Variants in TMEM165 observed in about 807,000 individuals in gnomAD.
TMEM165 encodes transmembrane protein 165.
Under a neutral mutation model 30.0 loss-of-function variants are expected in TMEM165, and 19 were observed. The observed-to-expected ratio is 0.63, with a 90% CI of 0.44 to 0.93. TMEM165 has a LOEUF of 0.93. Ranked by LOEUF, TMEM165 falls within the 40% of genes least tolerant of loss-of-function variation. The pLI, the probability that TMEM165 is intolerant of heterozygous loss-of-function variation, is 0.00. For synonymous variants in TMEM165, 168 were observed against 162.9 expected (o/e 1.03, Z -0.24); for missense variants, 340 against 417.0 (o/e 0.82, Z 1.61).
intron 3 of TMEM165, among the ~76,000 whole-genome samples, chr4:55,440,966 AAAAAC>A (rs751491580): frequency 5.3e-5 from 8 of 151,806 alleles, no homozygotes; most frequent in Admixed American, 6.6e-5. Context: ...AACTGCTTAC[AAAAAC>A]AAAACAAAAC....
chr4:55,440,154 T>C (rs1240514861), intron 3 of TMEM165, among the ~76,000 whole-genome samples: 5 of 152,218 alleles, frequency 3.3e-5, no homozygotes, highest in African/African-American at 1.2e-4. Context: ...TATTATAATG[T>C]ATTTTTTAAA....
At chr4:55,448,952 G>T (rs778299046) in intron 3 of TMEM165, 2 of 1,065,796 alleles carry the variant, frequency 1.9e-6, no homozygotes, top group African/African-American at 1.6e-5. Flanking sequence ...TATGATATTC[G>T]TATTAATAAA....
At chr4:55,453,331 T>C in exon 4 of TMEM165, 1 of 555,850 alleles carries the variant, frequency 1.8e-6, no homozygotes, top group African/African-American at 1.9e-5. Context: ...TACACTGCTG[T>C]AAACGATCCA....
chr4:55,412,673 T>C (rs1721559265), intron 2 of TMEM165: 1 of 152,226 alleles, frequency 6.6e-6, no homozygotes. Context: ...AACTAATCGA[T>C]GACAAACCAG....
intron 4 of TMEM165, among the ~76,000 whole-genome samples, chr4:55,420,106 A>AAAAAAAAATATATAT (rs1474254120): frequency 1.3e-4 from 6 of 45,442 alleles, no homozygotes; most frequent in East Asian, 4.0e-3. Flanking sequence ...AAGAAAAAAA[A>AAAAAAAAATATATAT]ATATATATAT....
chr4:55,405,372 G>A (rs910706344), intron 1 of TMEM165, among the ~76,000 whole-genome samples: 2 of 152,128 alleles, frequency 1.3e-5, no homozygotes, highest in African/African-American at 4.8e-5. Flanking sequence ...AGCCTATTGA[G>A]GACACGAAGG....
At chr4:55,404,975 G>C (rs1320667420) in intron 1 of TMEM165, among the ~76,000 whole-genome samples, 1 of 152,066 alleles carries the variant, frequency 6.6e-6, no homozygotes, top group African/African-American at 2.4e-5. Context: ...CTAGTTAGTA[G>C]CGCACCCCAA....
At chr4:55,416,855 G>T in intron 2 of TMEM165, 2 of 397,964 alleles carry the variant, frequency 5.0e-6, no homozygotes, top group Non-Finnish European at 8.9e-6. Flanking sequence ...TGGACCATTG[G>T]CTTCTGAGTA....
chr4:55,450,387 T>C (rs1168816133), intron 3 of TMEM165, among the ~76,000 whole-genome samples: 1 of 152,256 alleles, frequency 6.6e-6, no homozygotes. Context: ...TGAAAATTTA[T>C]GTGTTATAGC....
At chr4:55,398,284 TG>T (rs760858129) in intron 1 of TMEM165, among the ~76,000 whole-genome samples, 4 of 152,206 alleles carry the variant, frequency 2.6e-5, no homozygotes, top group Non-Finnish European at 5.9e-5. Context: ...GATTCTGATA[TG>T]GGAGGGAATC....
At position 55,448,767 on chromosome 4, in the gene TMEM165, A is replaced by G. The variant is rs754407050; in HGVS notation, c.409-3472A>G. On this transcript the variant is annotated intron_variant, in intron 3 of 3. Coordinates refer to the TMEM165 transcript ENST00000608091. ...ATTCAAATACGCAACTGAAACAAAA[A>G]CCAAAAAGTACCTGGGACATGCCTT... is the stretch of plus-strand genomic sequence containing the variant. 1.9e-6 allele frequency: 3 copies of G among 1,610,800 alleles called. No individual in the cohort carries two copies. The East Asian group carries it at 6.7e-5, about 36-fold the overall frequency.
intron 3 of TMEM165, chr4:55,442,764 G>A: frequency 2.4e-6 from 2 of 823,596 alleles, no homozygotes; most frequent in Non-Finnish European, 4.0e-6. Context: ...ATTACTCTGG[G>A]GGAAATATAA....
In TMEM165 at chr4:55,410,660, A is replaced by G. The variant is rs529951117; in HGVS notation, c.208-954A>G. On this transcript the variant is annotated intron_variant, in intron 1 of 5. Coordinates refer to ENST00000381334, the MANE Select transcript of TMEM165 (RefSeq NM_018475.5). Reference sequence around the variant, plus strand: ...TTGTCTTAGCTGGAACCAACTCTCTATACCCTGCTGAGGTTTGTGGGTCTT... The same window carrying G: ...TTGTCTTAGCTGGAACCAACTCTCTGTACCCTGCTGAGGTTTGTGGGTCTT... Among the ~76,000 whole-genome samples, 6 of 152,262 alleles carry G rather than the reference A, an allele frequency of 3.9e-5. No individual in the cohort carries two copies. In the East Asian group the frequency reaches 1.2e-3, roughly 29 times the overall value.
chr4:55,438,411 T>C, intron 3 of TMEM165: 1 of 1,613,888 alleles, frequency 6.2e-7, no homozygotes, highest in Non-Finnish European at 8.5e-7. Context: ...ACTGTTGCTG[T>C]TGTGTAGCAA....
chr4:55,439,616 C>G (rs1461833836), intron 3 of TMEM165, among the ~76,000 whole-genome samples: 1 of 152,176 alleles, frequency 6.6e-6, no homozygotes, highest in Admixed American at 6.5e-5. Flanking sequence ...TAACCCAAGA[C>G]TCCATTGACA....
chr4:55,444,874 A>G (rs1189171705), intron 3 of TMEM165: 6 of 1,326,294 alleles, frequency 4.5e-6, no homozygotes, highest in Non-Finnish European at 6.3e-6. Flanking sequence ...GCAGTATAAC[A>G]TGAGTGAAGG....
chr4:55,408,597 T>C (rs491381), intron 1 of TMEM165, among the ~76,000 whole-genome samples: 9 of 152,064 alleles, frequency 5.9e-5, no homozygotes, highest in African/African-American at 1.9e-4. Flanking sequence ...ATTGATCAAA[T>C]TGTCATCATG....
intron 3 of TMEM165, chr4:55,449,501 A>C: frequency 6.2e-7 from 1 of 1,610,654 alleles, no homozygotes; most frequent in Non-Finnish European, 8.5e-7. Context: ...GTGTTGCTGA[A>C]GTCAACAAAA....
At chr4:55,452,852 C>T (rs1251953326) in exon 4 of TMEM165, 4 of 469,710 alleles carry the variant, frequency 8.5e-6, no homozygotes, top group African/African-American at 7.9e-5. Context: ...AGATCAGACA[C>T]ATCTCTCATC....
Sources: allele counts gnomAD v4.1 joint callset (sites outside exome capture counted in the v4.1 genomes callset), GRCh38; gene constraint gnomAD v4.1.1; transcripts MANE v1.5; gene names NCBI Gene and HGNC (gene_info 2026-07-23, HGNC 2026-07-21).